Variants in SLC39A9 observed in about 807,000 individuals in gnomAD.
SLC39A9 encodes the protein solute carrier family 39 member 9.
SLC39A9 carries 14 observed loss-of-function variants against 28.4 expected under a neutral mutation model. The observed-to-expected ratio is 0.49, with a 90% CI of 0.33 to 0.77. The LOEUF is 0.77. Ranked by LOEUF, SLC39A9 falls within the 30% of genes least tolerant of loss-of-function variation. SLC39A9 has a pLI of 0.02. For synonymous variants in SLC39A9, 119 were observed against 149.6 expected (o/e 0.80, Z 1.49); for missense variants, 283 against 381.1 (o/e 0.74, Z 2.14).
chr14:69,435,275 CT>C (rs1313463003), intron 2 of SLC39A9, among the ~76,000 whole-genome samples: 1 of 152,078 alleles, frequency 6.6e-6, no homozygotes, highest in Non-Finnish European at 1.5e-5. Context: ...GTGAATTGAC[CT>C]TTTTAATCAT....
In SLC39A9 at chr14:69,460,355, A is replaced by G; in HGVS notation, c.*1762A>G. On this transcript the variant is annotated 3_prime_UTR_variant, in exon 7 of 7. Transcript: ENST00000336643. ...GCACAAATAGGATACAGTTGTATGT[A>G]GTCATTGGCAACAATTGCATACAAT... is the stretch of plus-strand genomic sequence containing the variant. 4.1e-6 allele frequency: 4 copies of G among 985,486 alleles called. No individual in the cohort carries two copies. The highest frequency in any genetic ancestry group is 4.8e-6 in the Non-Finnish European group (4 of 829,922). 61.0% of individuals were successfully genotyped at this position (985,486 alleles called of 1,614,324 possible). A position where few individuals can be genotyped will look rare whatever the true frequency, so the allele number is the denominator to read the frequency against.
At chr14:69,453,059 G>A (rs1048285269) in intron 3 of SLC39A9, among the ~76,000 whole-genome samples, 182 bp from the exon 4 acceptor site, 1 of 152,156 alleles carries the variant, frequency 6.6e-6, no homozygotes, top group Non-Finnish European at 1.5e-5. Context: ...GATAGTGGCC[G>A]GGTGCGGTGG....
At chr14:69,452,806 T>C (rs1885675557) in intron 3 of SLC39A9, among the ~76,000 whole-genome samples, 1 of 152,096 alleles carries the variant, frequency 6.6e-6, no homozygotes, top group African/African-American at 2.4e-5. Context: ...TGCAGGATGC[T>C]AAGGAAGAGA....
intron 1 of SLC39A9, among the ~76,000 whole-genome samples, chr14:69,423,501 A>G (rs1884011069): frequency 1.3e-5 from 2 of 152,180 alleles, no homozygotes; most frequent in African/African-American, 4.8e-5. Context: ...TAGTCTCCAG[A>G]GGTTGTAGCA....
intron 1 of SLC39A9, among the ~76,000 whole-genome samples, chr14:69,420,856 GTCTTC>G (rs1172811873): frequency 6.6e-6 from 1 of 152,154 alleles, no homozygotes; most frequent in African/African-American, 2.4e-5. Flanking sequence ...GTCATTTAAG[GTCTTC>G]TCTACATTGT....
chr14:69,453,010 C>T (rs1885687474), intron 3 of SLC39A9, among the ~76,000 whole-genome samples: 1 of 152,094 alleles, frequency 6.6e-6, no homozygotes, highest in South Asian at 2.1e-4. Context: ...CTCTTCAGGA[C>T]AGGGAAATCT....
intron 1 of SLC39A9, among the ~76,000 whole-genome samples, chr14:69,405,254 G>A (rs1171026416): frequency 6.6e-6 from 1 of 152,124 alleles, no homozygotes; most frequent in Non-Finnish European, 1.5e-5. Flanking sequence ...TATCTTTAGG[G>A]GTTTGAGTTA....
At chr14:69,426,908 A>G (rs938264816) in intron 2 of SLC39A9, among the ~76,000 whole-genome samples, 3 of 152,186 alleles carry the variant, frequency 2.0e-5, no homozygotes, top group African/African-American at 4.8e-5. Flanking sequence ...GTTTACATAT[A>G]TACACATATG....
chr14:69,435,722 G>A (rs1440952694), intron 2 of SLC39A9, among the ~76,000 whole-genome samples: 1 of 152,000 alleles, frequency 6.6e-6, no homozygotes, highest in Non-Finnish European at 1.5e-5. Flanking sequence ...GCCCAGGCTG[G>A]AGTGCAGTGG....
chr14:69,415,998 G>GCAC (rs1294543611), intron 1 of SLC39A9, among the ~76,000 whole-genome samples: 1 of 151,992 alleles, frequency 6.6e-6, no homozygotes, highest in African/African-American at 2.4e-5. Context: ...GTATACATGT[G>GCAC]CCATGTTGGT....
In SLC39A9 at chr14:69,460,039, AT is replaced by A. The variant is rs1304220586; in HGVS notation, c.*1455del. 8 of 981,034 alleles carry A rather than the reference AT, an allele frequency of 8.2e-6. No homozygotes were observed. Among genetic ancestry groups the A allele is most frequent in the African/African-American group, 3.5e-5 (2 of 56,942 alleles). 60.8% of individuals were successfully genotyped at this position (981,034 alleles called of 1,614,324 possible). On this transcript the variant is annotated 3_prime_UTR_variant, in exon 7 of 7. Transcript: ENST00000336643. ...CAAAAGTGTTTAACAGACTAGGATAATTTTTTTTTCATATTTGCCAAAATTT... is the reference window on the plus strand; with the variant it reads ...CAAAAGTGTTTAACAGACTAGGATAATTTTTTTTCATATTTGCCAAAATTT...
intron 1 of SLC39A9, among the ~76,000 whole-genome samples, chr14:69,422,146 G>A (rs923897469): frequency 2.0e-5 from 3 of 152,142 alleles, no homozygotes; most frequent in Non-Finnish European, 2.9e-5. Context: ...GGAATGGACC[G>A]CTTGTTTGCT....
At chr14:69,434,745 G>T (rs1884663830) in intron 2 of SLC39A9, among the ~76,000 whole-genome samples, 1 of 152,058 alleles carries the variant, frequency 6.6e-6, no homozygotes, top group Non-Finnish European at 1.5e-5. Context: ...CAAAATTTTA[G>T]TGTGCTATAT....
At chr14:69,410,817 A>G (rs1278628053) in intron 1 of SLC39A9, among the ~76,000 whole-genome samples, 1 of 150,012 alleles carries the variant, frequency 6.7e-6, no homozygotes, top group Non-Finnish European at 1.5e-5. Flanking sequence ...TAAGAGATGT[A>G]CCTTTGATTT....
chr14:69,408,259 C>T (rs1189044870), intron 1 of SLC39A9, among the ~76,000 whole-genome samples: 4 of 151,874 alleles, frequency 2.6e-5, no homozygotes, highest in South Asian at 2.1e-4. Flanking sequence ...TTGATCAGCC[C>T]GCCTTGGCCT....
In SLC39A9 at chr14:69,417,995, C is replaced by G. The variant is rs189660458; in HGVS notation, c.97-6099C>G. On this transcript the variant is annotated intron_variant, in intron 1 of 6. Transcript: ENST00000336643. Reference sequence around the variant, plus strand: ...GCCTAATTGTCCTGGCCAGAACTTCCAACACTATGTTGAATGGGAACGGTA... The same window carrying G: ...GCCTAATTGTCCTGGCCAGAACTTCGAACACTATGTTGAATGGGAACGGTA... 2.9e-3 allele frequency among the ~76,000 whole-genome samples: 448 copies of G among 152,208 alleles called. 3 individuals carry two copies. The highest frequency in any genetic ancestry group is 0.01 in the African/African-American group (436 of 41,542).
Position 69,442,177 on chromosome 14 carries a change from A to C in SLC39A9, c.314A>C (p.His105Pro). 1 of 1,614,238 alleles carries C rather than the reference A, an allele frequency of 6.2e-7. No individual in the cohort carries two copies. Among genetic ancestry groups the C allele is most frequent in the Non-Finnish European group, 8.5e-7 (1 of 1,180,036 alleles). Residue 105 changes from histidine to proline, a missense_variant, in exon 3 of 7, where the codon CAT (histidine) becomes CCT (proline). By Grantham distance (77) the His-to-Pro change is moderately conservative. Coordinates refer to ENST00000336643, the MANE Select transcript of SLC39A9 (RefSeq NM_018375.5). ...CACAGCCACGACCACACACAGCTGC[A>C]TGCCTATATTGGTGTTTCCCTCGTT... Reference protein sequence around the residue: ...HEHSHDHTQLHAYIGVSLVLG... With the variant: ...HEHSHDHTQLPAYIGVSLVLG...
In SLC39A9 at chr14:69,456,022, C is replaced by T. The variant is rs147361756; in HGVS notation, c.693+156C>T. 2.9e-3 allele frequency among the ~76,000 whole-genome samples: 447 copies of T among 152,284 alleles called. 2 individuals carry two copies. The highest frequency in any genetic ancestry group is 0.01 in the African/African-American group (432 of 41,554). On this transcript the variant is annotated intron_variant, in intron 6 of 6. Transcript: ENST00000336643. ...CAGGGTAAATATCTTAATTCCAATG[C>T]GTCCTCTTCATATTAGCATTTTCTT...
intron 2 of SLC39A9, among the ~76,000 whole-genome samples, chr14:69,436,260 CA>C (rs1422985738): frequency 2.0e-5 from 3 of 151,988 alleles, no homozygotes; most frequent in African/African-American, 7.2e-5. Flanking sequence ...ATTATTTTTC[CA>C]AAAGTATGTT....
Sources: allele counts gnomAD v4.1 joint callset (sites outside exome capture counted in the v4.1 genomes callset), GRCh38; gene constraint gnomAD v4.1.1; transcripts MANE v1.5; gene names NCBI Gene and HGNC (gene_info 2026-07-23, HGNC 2026-07-21).